CNOT2: variants seen among roughly 807,000 people sequenced by gnomAD.
The protein encoded by CNOT2 is CC chemokine receptor 4-negative regulator of transcription 2.
Under a neutral mutation model 72.1 loss-of-function variants are expected in CNOT2, and 7 were observed. The ratio of observed to expected loss-of-function variants is 0.10; its 90% confidence interval spans 0.06 to 0.18. The LOEUF is 0.18. Ranked by LOEUF, CNOT2 falls within the 10% of genes least tolerant of loss-of-function variation. The pLI, the probability that CNOT2 is intolerant of heterozygous loss-of-function variation, is 1.00. For synonymous variants in CNOT2, 196 were observed against 225.6 expected (o/e 0.87, Z 1.17); for missense variants, 345 against 660.3 (o/e 0.52, Z 5.23).
intron 1 of CNOT2, among the ~76,000 whole-genome samples, chr12:70,273,580 T>A (rs1868333126): frequency 6.6e-6 from 1 of 152,190 alleles, no homozygotes; most frequent in Non-Finnish European, 1.5e-5. Flanking sequence ...CCCTGTTGTC[T>A]GAATTTCAGA....
intron 11 of CNOT2, among the ~76,000 whole-genome samples, chr12:70,340,793 C>G (rs1328645184): frequency 2.0e-5 from 3 of 151,710 alleles, no homozygotes; most frequent in Non-Finnish European, 2.9e-5. Flanking sequence ...ACAATCTCTT[C>G]ATATAACAGC....
intron 15 of CNOT2, among the ~76,000 whole-genome samples, chr12:70,349,198 G>C (rs1882570988): frequency 6.6e-6 from 1 of 152,118 alleles, no homozygotes; most frequent in Non-Finnish European, 1.5e-5. Flanking sequence ...TTTAAAGGAT[G>C]TGTTCAGTGC....
chr12:70,333,754 T>G lies in CNOT2; in HGVS notation c.649+908T>G, dbSNP rs147364984. ...CAAGATTAAAATCTTTGAAAAAAGA[T>G]TCCAAATTTTAGCATTTGTAAGTGG... On this transcript the variant is annotated intron_variant, in intron 7 of 15. Transcript: ENST00000229195. Among the ~76,000 whole-genome samples the G allele has an allele frequency of 2.6e-3, 395 of 152,118 alleles. 1 individual carries two copies. Among genetic ancestry groups the G allele is most frequent in the Admixed American group, 4.1e-3 (63 of 15,264 alleles).
chr12:70,291,164 G>T (rs944692807), intron 2 of CNOT2, among the ~76,000 whole-genome samples: 1 of 152,054 alleles, frequency 6.6e-6, no homozygotes, highest in Non-Finnish European at 1.5e-5. Context: ...AGATACAGTG[G>T]TCATTCATTT....
chr12:70,329,315 G>C, intron 4 of CNOT2, 108 bp from the exon 5 acceptor site: 1 of 684,706 alleles, frequency 1.5e-6, no homozygotes, highest in Admixed American at 2.6e-5. Context: ...TAAAATTTGC[G>C]TACTATGTTA....
intron 15 of CNOT2, among the ~76,000 whole-genome samples, chr12:70,351,195 G>T (rs1882821124): frequency 6.6e-6 from 1 of 151,826 alleles, no homozygotes; most frequent in Admixed American, 6.6e-5. Flanking sequence ...TAAATGTTTT[G>T]TTCCTAAAAC....
chr12:70,318,477 C>T (rs1199963604), intron 3 of CNOT2, among the ~76,000 whole-genome samples: 1 of 151,726 alleles, frequency 6.6e-6, no homozygotes, highest in Non-Finnish European at 1.5e-5. Flanking sequence ...TTTCTGATTA[C>T]ATTACTAACC....
intron 2 of CNOT2, among the ~76,000 whole-genome samples, chr12:70,294,542 T>G (rs1306938200): frequency 6.6e-6 from 1 of 152,046 alleles, no homozygotes; most frequent in Non-Finnish European, 1.5e-5. Context: ...CAAAGGAAGG[T>G]TCTTACATTT....
At chr12:70,339,091 T>TATATACACACAC (rs371015394) in intron 11 of CNOT2, among the ~76,000 whole-genome samples, 5 of 138,314 alleles carry the variant, frequency 3.6e-5, no homozygotes, top group African/African-American at 1.4e-4. Flanking sequence ...TATATATATA[T>TATATACACACAC]ACACACACAC....
intron 3 of CNOT2, among the ~76,000 whole-genome samples, chr12:70,312,605 A>G (rs1188860513): frequency 6.6e-6 from 1 of 151,962 alleles, no homozygotes; most frequent in African/African-American, 2.4e-5. Context: ...CAGAAGTAAC[A>G]GAATGGTTTG....
chr12:70,269,366 T>C (rs138624224), intron 1 of CNOT2, among the ~76,000 whole-genome samples: 49 of 152,056 alleles, frequency 3.2e-4, no homozygotes, highest in Non-Finnish European at 6.3e-4. Context: ...GATATTCTCA[T>C]CCAGAGGTTA....
intron 7 of CNOT2, among the ~76,000 whole-genome samples, chr12:70,333,149 C>G (rs991906980): frequency 1.3e-5 from 2 of 151,874 alleles, no homozygotes; most frequent in African/African-American, 4.8e-5. Flanking sequence ...TATTTTGCTT[C>G]ATAGCTTTTA....
chr12:70,294,333 C>G, intron 2 of CNOT2: 1 of 1,273,088 alleles, frequency 7.9e-7, no homozygotes, highest in Non-Finnish European at 1.0e-6. Flanking sequence ...AAAAATGGTA[C>G]TGTCATCAGT....
intron 1 of CNOT2, among the ~76,000 whole-genome samples, chr12:70,253,755 A>C (rs1490380458): frequency 1.3e-5 from 2 of 152,194 alleles, no homozygotes; most frequent in Non-Finnish European, 2.9e-5. Context: ...CCTGATTATT[A>C]GTTACTGTAG....
intron 2 of CNOT2, among the ~76,000 whole-genome samples, chr12:70,299,131 GT>G (rs1446530643): frequency 1.3e-5 from 2 of 152,132 alleles, no homozygotes; most frequent in Admixed American, 6.5e-5. Flanking sequence ...ATGAGGAGCA[GT>G]CACGTCTCAC....
intron 7 of CNOT2, chr12:70,334,764 T>C (rs982603133): frequency 6.6e-6 from 1 of 152,118 alleles, no homozygotes; most frequent in South Asian, 2.1e-4. Context: ...ATTCTATATA[T>C]ATTTATTGAG....
At chr12:70,352,625 A>G (rs904357587) in intron 15 of CNOT2, among the ~76,000 whole-genome samples, 1 of 152,190 alleles carries the variant, frequency 6.6e-6, no homozygotes, top group East Asian at 1.9e-4. Context: ...TTTAATACAT[A>G]ATACATATTA....
At chr12:70,290,623 T>G (rs1390878877) in intron 2 of CNOT2, 1 of 144,332 alleles carries the variant, frequency 6.9e-6, no homozygotes, top group East Asian at 2.1e-4. Flanking sequence ...TTAGGTGGGC[T>G]GCTGCTACAA....
intron 1 of CNOT2, among the ~76,000 whole-genome samples, chr12:70,268,046 A>G (rs1388116298): frequency 6.6e-6 from 1 of 152,218 alleles, no homozygotes; most frequent in Non-Finnish European, 1.5e-5. Context: ...ACATGTACAC[A>G]CACATATTTT....
Sources: allele counts gnomAD v4.1 joint callset (sites outside exome capture counted in the v4.1 genomes callset), GRCh38; gene constraint gnomAD v4.1.1; transcripts MANE v1.5; gene names NCBI Gene and HGNC (gene_info 2026-07-23, HGNC 2026-07-21).